FAM167A: variants seen among roughly 807,000 people sequenced by gnomAD.
FAM167A encodes protein FAM167A.
A neutral mutation model predicts 14.9 loss-of-function variants in FAM167A; 23 were observed. The ratio of observed to expected loss-of-function variants is 1.55; its 90% CI spans 1.11 to 2.19. The LOEUF (loss-of-function observed/expected upper bound fraction) is 2.19, where lower values mean the gene tolerates loss of function less well. Ranked by LOEUF, FAM167A falls within the 30% of genes most tolerant of loss-of-function variation. The pLI is 0.00. For missense variants in FAM167A, 401 were observed against 281.5 expected, an observed-to-expected ratio of 1.42 and a Z score of -3.04; for synonymous variants, 174 against 117.7, an observed-to-expected ratio of 1.48 and a Z score of -3.10.
Position 11,424,393 on chromosome 8 carries a change from G to C in FAM167A, c.625C>G (p.Arg209Gly), listed in dbSNP as rs764168254. 2 of 1,614,080 alleles carry C rather than the reference G, an allele frequency of 1.2e-6. No individual in the cohort carries two copies. The highest frequency in any genetic ancestry group is 1.7e-5 in the Admixed American group (1 of 60,018). ...GCTCCTCAGCAGAGAGAGAACCTCCGAGAGTTGATGTTCATCTTGGTCACG... is the reference window on the plus strand; with the variant it reads ...GCTCCTCAGCAGAGAGAGAACCTCCCAGAGTTGATGTTCATCTTGGTCACG... Reference protein sequence around the residue: ...IGVTKMNINSRRFSLC With the variant: ...IGVTKMNINSGRFSLC The change falls in exon 3 of 3, where the codon CGG becomes GGG. Residue 209 changes from arginine to glycine, a missense_variant. Coordinates refer to ENST00000284486, the MANE Select transcript of FAM167A (RefSeq NM_053279.3).
chr8:11,434,479 G>A (rs1364323856), intron 2 of FAM167A, among the ~76,000 whole-genome samples: 1 of 152,092 alleles, frequency 6.6e-6, no homozygotes, highest in African/African-American at 2.4e-5. Flanking sequence ...TGTGCCCCCT[G>A]GGGAATGGTG....
rs1252905674 is a variant in FAM167A, at chr8:11,449,539, G to A, written c.-397-4731C>T. 3.3e-5 allele frequency among the ~76,000 whole-genome samples: 5 copies of A among 152,318 alleles called. No homozygotes were observed. In the South Asian group the frequency reaches 1.0e-3, roughly 32 times the overall value. On this transcript the variant is annotated intron_variant, in intron 1 of 2. Coordinates refer to ENST00000284486, the MANE Select transcript of FAM167A (RefSeq NM_053279.3). ...ACATGTAACCTGGGTCGTTCCTAGGGGTGGAGGGGCCGGAGAAGGAAGCCA... is the reference window on the plus strand; with the variant it reads ...ACATGTAACCTGGGTCGTTCCTAGGAGTGGAGGGGCCGGAGAAGGAAGCCA...
intron 1 of FAM167A, among the ~76,000 whole-genome samples, chr8:11,457,754 A>T (rs919558307): frequency 2.0e-5 from 3 of 152,072 alleles, no homozygotes; most frequent in Admixed American, 6.6e-5. Context: ...CACTGCCTGA[A>T]AGCTCATCCG....
At chr8:11,457,055 G>A (rs1400426949) in intron 1 of FAM167A, among the ~76,000 whole-genome samples, 1 of 122,802 alleles carries the variant, frequency 8.1e-6, no homozygotes, top group Non-Finnish European at 1.7e-5. Context: ...TTAAGGAAGT[G>A]GGTGGGGCTG....
At chr8:11,437,882 T>C (rs552317345) in intron 2 of FAM167A, among the ~76,000 whole-genome samples, 1 of 152,284 alleles carries the variant, frequency 6.6e-6, no homozygotes, top group East Asian at 1.9e-4. Flanking sequence ...AGTGAGGAAT[T>C]TGCGTATTTC....
At chr8:11,447,269 C>T (rs946498342) in intron 1 of FAM167A, among the ~76,000 whole-genome samples, 2 of 151,954 alleles carry the variant, frequency 1.3e-5, no homozygotes. Flanking sequence ...GCCACCTCCA[C>T]CTCTTGGGTT....
rs529655466 is a variant in FAM167A at position 11,437,143 on chromosome 8, T to C, written c.381+6888A>G. 5.3e-5 allele frequency among the ~76,000 whole-genome samples: 8 copies of C among 152,336 alleles called. No homozygotes were observed. The East Asian group carries it at 5.8e-4, about 11-fold the overall frequency. On this transcript the variant is annotated intron_variant, in intron 2 of 2. Coordinates refer to ENST00000284486, the MANE Select transcript of FAM167A (RefSeq NM_053279.3). ...CTGCCAGGGGCCTCACAGTTTCCTA[T>C]AGCATGGTGGGTGAATCCAGACCCA...
intron 1 of FAM167A, among the ~76,000 whole-genome samples, chr8:11,464,749 G>C (rs1807685554): frequency 6.6e-6 from 1 of 152,190 alleles, no homozygotes; most frequent in Non-Finnish European, 1.5e-5. Flanking sequence ...CTCCTGTAGG[G>C]CCAACGGGGC....
chr8:11,450,780 G>C (rs148912806), intron 1 of FAM167A, among the ~76,000 whole-genome samples: 1 of 152,200 alleles, frequency 6.6e-6, no homozygotes, highest in Non-Finnish European at 1.5e-5. Flanking sequence ...TGGGCTCAGA[G>C]AGGCAGAAAA....
intron 1 of FAM167A, among the ~76,000 whole-genome samples, chr8:11,463,290 G>A (rs1807610276): frequency 6.6e-6 from 1 of 152,198 alleles, no homozygotes; most frequent in Non-Finnish European, 1.5e-5. Context: ...TTCACGCCTG[G>A]CATGGGACTT....
At chr8:11,474,624 A>G (rs1450167002) in intron 1 of FAM167A, 2 of 152,290 alleles carry the variant, frequency 1.3e-5, no homozygotes, top group African/African-American at 4.8e-5. Context: ...GTCCTGGAAG[A>G]TGCGAGAAGC....
At chr8:11,453,108 C>A (rs747107177) in intron 1 of FAM167A, among the ~76,000 whole-genome samples, 1 of 152,228 alleles carries the variant, frequency 6.6e-6, no homozygotes, top group Non-Finnish European at 1.5e-5. Flanking sequence ...GGCTTCCTCT[C>A]CTCTGTCCTG....
chr8:11,457,594 G>A lies in FAM167A; in HGVS notation c.-398+9032C>T, dbSNP rs569717076. 6.6e-5 allele frequency among the ~76,000 whole-genome samples: 10 copies of A among 152,176 alleles called. No individual in the cohort carries two copies. The East Asian group carries it at 9.7e-4, about 15-fold the overall frequency. ...GAATTCTGTTCCTGACTGTGACCCC[G>A]GCACTCAGAGCAGTGCCCGGCACAC... is the stretch of plus-strand genomic sequence containing the variant. On this transcript the variant is annotated intron_variant, in intron 1 of 2. Transcript: ENST00000284486.
At position 11,465,970 on chromosome 8, in the gene FAM167A, G is replaced by A. The variant is rs76425323; in HGVS notation, c.-398+656C>T. On this transcript the variant is annotated intron_variant, in intron 1 of 2. Transcript: ENST00000284486. ...GAATAAAAACCAGGCAGTAACGGGT[G>A]TGCAGAAAACCTATACATCCAACCT... 8.9e-3 allele frequency among the ~76,000 whole-genome samples: 1,357 copies of A among 152,134 alleles called. 20 individuals carry two copies. Among genetic ancestry groups the A allele is most frequent in the African/African-American group, 0.031 (1,266 of 41,498 alleles).
At chr8:11,440,750 G>A (rs776425075) in intron 2 of FAM167A, among the ~76,000 whole-genome samples, 1 of 152,234 alleles carries the variant, frequency 6.6e-6, no homozygotes, top group Non-Finnish European at 1.5e-5. Flanking sequence ...ATTTGCACTT[G>A]AGCCTAACAA....
chr8:11,438,301 G>A lies in FAM167A; in HGVS notation c.381+5730C>T, dbSNP rs1228409227. The A allele has an allele frequency of 1.5e-5, 6 of 402,196 alleles. No individual in the cohort carries two copies. In the East Asian group the frequency reaches 3.6e-4, roughly 24 times the overall value. The allele number at this position is 402,196 out of a possible 1,614,324, so 24.9% of individuals were successfully genotyped here. On this transcript the variant is annotated intron_variant, in intron 2 of 2. Transcript: ENST00000284486. ...GGAGAGCAGGCAGGACCTCCCGGTT[G>A]GGGTCAGCTGCAGCTCCCTGGCCAG...
intron 1 of FAM167A, among the ~76,000 whole-genome samples, chr8:11,450,965 T>C (rs905987324): frequency 9.9e-5 from 15 of 152,230 alleles, no homozygotes. Flanking sequence ...GTGCTGGAGT[T>C]GGAGGGGACA....
chr8:11,464,583 A>C (rs1285319286), intron 1 of FAM167A, among the ~76,000 whole-genome samples: 1 of 152,220 alleles, frequency 6.6e-6, no homozygotes, highest in East Asian at 1.9e-4. Flanking sequence ...AGCCAGGCTA[A>C]TCCTAAGGGA....
At chr8:11,469,881 A>AAAATAAATTAAT (rs1226126556), upstream of FAM167A, among the ~76,000 whole-genome samples, 19 of 122,512 alleles carry the variant, frequency 1.6e-4, no homozygotes, top group African/African-American at 3.7e-4. Flanking sequence ...CCCTGTCTCA[A>AAAATAAATTAAT]AAATAAATAA....
Sources: allele counts gnomAD v4.1 joint callset (sites outside exome capture counted in the v4.1 genomes callset), GRCh38; gene constraint gnomAD v4.1.1; transcripts MANE v1.5; gene names NCBI Gene and HGNC (gene_info 2026-07-23, HGNC 2026-07-21).